ANKRD17: variants seen among roughly 807,000 people sequenced by gnomAD.
ANKRD17 encodes ankyrin repeat domain-containing protein 17.
ANKRD17 carries 19 observed loss-of-function variants against 229.7 expected under a neutral mutation model. The observed-to-expected ratio is 0.08, with a 90% CI of 0.06 to 0.12. The LOEUF is 0.12. ANKRD17 is among the 10% of genes least tolerant of loss of function. ANKRD17 has a pLI of 1.00. For missense variants in ANKRD17, 2,176 were observed against 3,176.8 expected (o/e 0.68, Z 7.57); for synonymous variants, 1,112 against 1,146.1 (o/e 0.97, Z 0.60).
At chr4:73,113,578 A>T (rs1303344778) in intron 24 of ANKRD17, among the ~76,000 whole-genome samples, 1 of 152,226 alleles carries the variant, frequency 6.6e-6, no homozygotes, top group East Asian at 1.9e-4. Flanking sequence ...GATCAATGTA[A>T]TTCCTATAAC....
intron 14 of ANKRD17, among the ~76,000 whole-genome samples, chr4:73,141,268 T>C (rs952984206): frequency 6.6e-6 from 1 of 152,122 alleles, no homozygotes; most frequent in African/African-American, 2.4e-5. Flanking sequence ...TCTAGAGAAA[T>C]AAACAAGCAT....
chr4:73,219,056 G>A (rs956606113), intron 1 of ANKRD17, among the ~76,000 whole-genome samples: 8 of 152,226 alleles, frequency 5.3e-5, no homozygotes, highest in East Asian at 3.9e-4. Context: ...GCAAGATTCC[G>A]TCTCAAACAA....
At chr4:73,098,626 T>C (rs772951977) in intron 25 of ANKRD17, 106 bp from the exon 26 acceptor site, 16 of 1,051,016 alleles carry the variant, frequency 1.5e-5, no homozygotes, top group Non-Finnish European at 1.8e-5. Context: ...ACTCTACTAC[T>C]ATTAGCCATG....
Position 73,111,728 on chromosome 4 carries a change from C to A in ANKRD17, c.4401+2064G>T, listed in dbSNP as rs148495704. 4.4e-3 allele frequency among the ~76,000 whole-genome samples: 663 copies of A among 152,210 alleles called. 4 individuals are homozygous for A. Among genetic ancestry groups the A allele is most frequent in the African/African-American group, 0.015 (638 of 41,520 alleles). On this transcript the variant is annotated intron_variant, in intron 24 of 33. Coordinates refer to ENST00000358602, the MANE Select transcript of ANKRD17 (RefSeq NM_032217.5). ...ATCACTATCAAATGACAATATCCATCAGTTACTAAGAGAGGGGAAAGCAAG... is the reference window on the plus strand; with the variant it reads ...ATCACTATCAAATGACAATATCCATAAGTTACTAAGAGAGGGGAAAGCAAG...
At chr4:73,216,405 G>T (rs1259461809) in intron 1 of ANKRD17, among the ~76,000 whole-genome samples, 2 of 151,998 alleles carry the variant, frequency 1.3e-5, no homozygotes, top group Non-Finnish European at 2.9e-5. Flanking sequence ...TTTTAACAGT[G>T]AAAAAGAGAC....
chr4:73,097,182 C>T lies in ANKRD17; in HGVS notation c.5112G>A (p.Lys1704=). Residue 1704 remains lysine (K), a synonymous_variant, in exon 27 of 34, where the codon AAG becomes AAA. Transcript: ENST00000358602. Reference sequence around the variant, plus strand: ...CACGCTTAGGACTTGCTACTGTTAACTTCCCATTTGGAGAAGAAAGGGGAG... The same window carrying T: ...CACGCTTAGGACTTGCTACTGTTAATTTCCCATTTGGAGAAGAAAGGGGAG... ...GPSPLSSPNG[K]LTVASPKRGQ... 6.2e-7 allele frequency: 1 copy of T among 1,612,484 alleles called. No homozygotes were observed. Among genetic ancestry groups the T allele is most frequent in the Non-Finnish European group, 8.5e-7 (1 of 1,179,406 alleles).
intron 1 of ANKRD17, among the ~76,000 whole-genome samples, chr4:73,179,438 GTATA>G (rs894452541): frequency 1.3e-4 from 18 of 136,566 alleles, no homozygotes; most frequent in South Asian, 2.3e-4. Flanking sequence ...ATGTGTGTGT[GTATA>G]TATATCTGTG....
chr4:73,096,944 G>A (rs113113325), intron 27 of ANKRD17, among the ~76,000 whole-genome samples, 173 bp downstream of exon 27: 14 of 152,246 alleles, frequency 9.2e-5, no homozygotes, highest in African/African-American at 2.6e-4. Context: ...AAATTAACAC[G>A]TAATTTTTTT....
At chr4:73,129,638 G>A (rs1451932141) in intron 16 of ANKRD17, among the ~76,000 whole-genome samples, 7 of 152,088 alleles carry the variant, frequency 4.6e-5, no homozygotes, top group Non-Finnish European at 7.4e-5. Flanking sequence ...GATCATTTGA[G>A]CCCAGGAGTT....
chr4:73,254,096 T>G (rs1003104069), intron 1 of ANKRD17, among the ~76,000 whole-genome samples: 7 of 152,232 alleles, frequency 4.6e-5, no homozygotes, highest in African/African-American at 1.7e-4. Context: ...CAAGCTTCTC[T>G]GGGCTAATCT....
intron 11 of ANKRD17, among the ~76,000 whole-genome samples, chr4:73,144,422 A>C (rs577923521): frequency 2.0e-5 from 3 of 152,318 alleles, no homozygotes; most frequent in Admixed American, 2.0e-4. Flanking sequence ...ACATCATAAA[A>C]TTCCAGGTTT....
At chr4:73,088,146 A>G (rs1000075269) in intron 29 of ANKRD17, among the ~76,000 whole-genome samples, 4 of 152,208 alleles carry the variant, frequency 2.6e-5, no homozygotes, top group African/African-American at 9.7e-5. Context: ...AACTATAAAA[A>G]CAGATCTGAG....
chr4:73,142,843 G>T, intron 11 of ANKRD17, 76 bp from the exon 12 acceptor site: 1 of 1,468,784 alleles, frequency 6.8e-7, no homozygotes, highest in Admixed American at 2.4e-5. Flanking sequence ...TAAAAATCAT[G>T]AAGAGTAGAG....
rs894879772 is a variant in ANKRD17, at chr4:73,240,319, T to A, written c.393+17957A>T. ...GGTTTAAGCAATAAAAGAAGAAAAA[T>A]TGCTTCAAAAGATCACTGACTTGGC... On this transcript the variant is annotated intron_variant, in intron 1 of 33. Coordinates refer to ENST00000358602, the MANE Select transcript of ANKRD17 (RefSeq NM_032217.5). 2.6e-5 allele frequency among the ~76,000 whole-genome samples: 4 copies of A among 151,832 alleles called. No homozygotes were observed. In the East Asian group the frequency reaches 5.8e-4, roughly 22 times the overall value.
chr4:73,170,648 C>G (rs1733866085), intron 2 of ANKRD17, among the ~76,000 whole-genome samples: 1 of 151,404 alleles, frequency 6.6e-6, no homozygotes, highest in African/African-American at 2.4e-5. Flanking sequence ...GCCCACTGTT[C>G]TGAAGGGTGA....
At chr4:73,132,373 C>T (rs547393136) in intron 16 of ANKRD17, among the ~76,000 whole-genome samples, 5 of 152,088 alleles carry the variant, frequency 3.3e-5, no homozygotes, top group African/African-American at 7.2e-5. Context: ...CCTCCCAGAG[C>T]GCTGGCATTA....
At chr4:73,101,462 A>G (rs1003114261) in intron 25 of ANKRD17, among the ~76,000 whole-genome samples, 20 of 151,968 alleles carry the variant, frequency 1.3e-4, no homozygotes, top group African/African-American at 4.8e-4. Flanking sequence ...ATCAGGAGTT[A>G]GAGGCTAGCC....
At chr4:73,255,591 C>G (rs1578539647) in intron 1 of ANKRD17, among the ~76,000 whole-genome samples, 3 of 152,172 alleles carry the variant, frequency 2.0e-5, no homozygotes, top group African/African-American at 7.2e-5. Flanking sequence ...AAGAGAAAAA[C>G]ATTACACAAC....
intron 22 of ANKRD17, 41 bp downstream of exon 22, chr4:73,118,647 G>A (rs1290803771): frequency 6.2e-7 from 1 of 1,608,768 alleles, no homozygotes; most frequent in South Asian, 1.1e-5. Flanking sequence ...CCTAGTGTAA[G>A]TAAAAAAACA....
Sources: gnomAD v4.1 joint callset for allele counts (sites outside exome capture counted in the v4.1 genomes callset) on GRCh38, gnomAD v4.1.1 for gene constraint, MANE v1.5 for transcripts, NCBI Gene and HGNC (gene_info 2026-07-23, HGNC 2026-07-21) for gene names.